Variants in ORC4 observed in about 807,000 individuals in gnomAD.
ORC4 encodes the protein origin recognition complex, subunit 4 homolog.
In ORC4, 55 loss-of-function variants were observed where a neutral mutation model predicts 63.9. That is an observed-to-expected ratio of 0.86 (90% CI 0.69 to 1.08). The LOEUF (loss-of-function observed/expected upper bound fraction) is 1.08, where lower values mean the gene tolerates loss of function less well. ORC4 is among the 50% of genes least tolerant of loss of function. The pLI is 0.00. For missense variants in ORC4, 511 were observed against 504.4 expected, an observed-to-expected ratio of 1.01 and a Z score of -0.13; for synonymous variants, 150 against 168.5, an observed-to-expected ratio of 0.89 and a Z score of 0.85.
chr2:148,000,675 C>T (rs924297323), intron 1 of ORC4, among the ~76,000 whole-genome samples: 1 of 152,064 alleles, frequency 6.6e-6, no homozygotes, highest in Non-Finnish European at 1.5e-5. Context: ...GCTAAAACTG[C>T]AGCACATAAG....
intron 1 of ORC4, among the ~76,000 whole-genome samples, chr2:148,013,664 T>C (rs1490711493): frequency 6.6e-6 from 1 of 152,174 alleles, no homozygotes; most frequent in Non-Finnish European, 1.5e-5. Context: ...CATTGTATGC[T>C]TATATCAAAT....
rs532666072 is a variant in ORC4, at chr2:148,008,246, T to C, written c.-18+12387A>G. On this transcript the variant is annotated intron_variant, in intron 1 of 13. Coordinates refer to ENST00000392857, the MANE Select transcript of ORC4 (RefSeq NM_181741.4). ...TCACTGGTGAAAGTAAGTGCACAGA[T>C]AAATACAGAATACTCTAACCGCTCA... 9.8e-5 allele frequency among the ~76,000 whole-genome samples: 15 copies of C among 152,292 alleles called. No homozygotes were observed. In the East Asian group the frequency reaches 2.7e-3, roughly 27 times the overall value.
Position 147,948,093 on chromosome 2 carries a change from A to C in ORC4, c.720T>G (p.Phe240Leu). The C allele has an allele frequency of 6.2e-7, 1 of 1,612,202 alleles. No individual in the cohort carries two copies. Among genetic ancestry groups the C allele is most frequent in the Non-Finnish European group, 8.5e-7 (1 of 1,178,570 alleles). ...ACTTCTCAGCAAAAACCTTGTCTGG[A>C]AACTCTGCAGGTAGAGATAACTGTT... ...FKEQLSLPAE[F>L]PDKVFAEKWN... is the part of the protein sequence containing the mutation. The change falls in exon 9 of 14, where the codon TTT becomes TTG. Residue 240 changes from phenylalanine to leucine, a missense_variant. Physicochemically the swap from Phe to Leu is conservative, Grantham distance 22. Coordinates refer to ENST00000392857, the MANE Select transcript of ORC4 (RefSeq NM_181741.4).
At position 147,934,898 on chromosome 2, in the gene ORC4, T is replaced by C. The variant is rs562719647; in HGVS notation, c.*612A>G. ...CTATGGTAGGCTCAACAATCTGTAATTTTAGAAAATCCTACAAGGGATTCT... is the reference window on the plus strand; with the variant it reads ...CTATGGTAGGCTCAACAATCTGTAACTTTAGAAAATCCTACAAGGGATTCT... On this transcript the variant is annotated 3_prime_UTR_variant, in exon 14 of 14. Coordinates refer to ENST00000392857, the MANE Select transcript of ORC4 (RefSeq NM_181741.4). 6.6e-6 allele frequency: 1 copy of C among 152,398 alleles called. No homozygotes were observed. Among genetic ancestry groups the C allele is most frequent in the African/African-American group, 2.4e-5 (1 of 41,552 alleles). 9.4% of individuals were successfully genotyped at this position (152,398 alleles called of 1,614,324 possible).
intron 1 of ORC4, among the ~76,000 whole-genome samples, chr2:147,982,281 ATCC>A (rs1690933906): frequency 6.6e-6 from 1 of 152,216 alleles, no homozygotes; most frequent in Non-Finnish European, 1.5e-5. Flanking sequence ...CTAATAAAAT[ATCC>A]TCAACTCTGG....
chr2:147,969,058 A>C (rs966431934), intron 4 of ORC4, among the ~76,000 whole-genome samples: 2 of 152,176 alleles, frequency 1.3e-5, no homozygotes, highest in South Asian at 4.1e-4. Flanking sequence ...ATGCGTTTTC[A>C]CTCATCTATG....
intron 4 of ORC4, among the ~76,000 whole-genome samples, chr2:147,961,074 G>T (rs367579611): frequency 1.1e-4 from 16 of 151,900 alleles, no homozygotes; most frequent in African/African-American, 3.9e-4. Context: ...ATAATCTTAG[G>T]GTTAGGATTA....
At chr2:148,015,472 G>A (rs1485676491) in intron 1 of ORC4, among the ~76,000 whole-genome samples, 1 of 151,544 alleles carries the variant, frequency 6.6e-6, no homozygotes, top group South Asian at 2.1e-4. Flanking sequence ...CCGCCACCAC[G>A]CCTGGCTAAT....
At chr2:147,971,562 T>C (rs986024964) in intron 4 of ORC4, among the ~76,000 whole-genome samples, 1 of 151,856 alleles carries the variant, frequency 6.6e-6, no homozygotes, top group Admixed American at 6.6e-5. Flanking sequence ...GAGACACCAA[T>C]ATATACCTAT....
At chr2:147,968,446 A>G (rs1033579574) in intron 4 of ORC4, among the ~76,000 whole-genome samples, 3 of 152,048 alleles carry the variant, frequency 2.0e-5, no homozygotes, top group Non-Finnish European at 4.4e-5. Context: ...TCTCAAAAGC[A>G]AAAAACCAAT....
At chr2:148,015,714 A>AT (rs1693241763) in intron 1 of ORC4, among the ~76,000 whole-genome samples, 1 of 150,296 alleles carries the variant, frequency 6.7e-6, no homozygotes, top group Non-Finnish European at 1.5e-5. Flanking sequence ...TGCTGTTTAT[A>AT]TTTATTTTGG....
intron 1 of ORC4, among the ~76,000 whole-genome samples, chr2:147,984,672 G>C (rs978432686): frequency 2.0e-5 from 3 of 152,122 alleles, no homozygotes; most frequent in Non-Finnish European, 4.4e-5. Flanking sequence ...ATTGACAAAG[G>C]ACAAAAATTA....
At chr2:147,964,697 A>G (rs1472592997) in intron 4 of ORC4, among the ~76,000 whole-genome samples, 1 of 152,220 alleles carries the variant, frequency 6.6e-6, no homozygotes, top group Admixed American at 6.5e-5. Context: ...TAAAGTGTCA[A>G]GTCACTATAA....
intron 8 of ORC4, among the ~76,000 whole-genome samples, chr2:147,949,637 T>C (rs898548457): frequency 2.0e-5 from 3 of 152,144 alleles, no homozygotes; most frequent in Non-Finnish European, 2.9e-5. Flanking sequence ...AATATAACAA[T>C]TATATTAGGG....
intron 2 of ORC4, among the ~76,000 whole-genome samples, chr2:147,974,307 A>T (rs1271642338): frequency 1.3e-5 from 2 of 152,142 alleles, no homozygotes; most frequent in Non-Finnish European, 2.9e-5. Context: ...TAAAATAGGG[A>T]CAATAACATC....
chr2:148,011,182 A>T (rs1247267253), intron 1 of ORC4, among the ~76,000 whole-genome samples: 1 of 152,166 alleles, frequency 6.6e-6, no homozygotes, highest in Non-Finnish European at 1.5e-5. Flanking sequence ...AACAAAAAAG[A>T]AACTACAGGC....
chr2:147,989,639 G>C (rs146099044), intron 1 of ORC4, among the ~76,000 whole-genome samples: 1 of 152,000 alleles, frequency 6.6e-6, no homozygotes, highest in African/African-American at 2.4e-5. Flanking sequence ...CCCAGGAGGC[G>C]GAGGTTGCAG....
chr2:147,932,350 G>C lies in ORC4; in HGVS notation c.*3160C>G, dbSNP rs944048649. On this transcript the variant is annotated 3_prime_UTR_variant, in exon 14 of 14. Coordinates refer to ENST00000392857, the MANE Select transcript of ORC4 (RefSeq NM_181741.4). ...AACATTCCATGCTCTTGGGTAGGAAGAATCAATATTGTGAAAATGGCCATA... is the reference window on the plus strand; with the variant it reads ...AACATTCCATGCTCTTGGGTAGGAACAATCAATATTGTGAAAATGGCCATA... The C allele has an allele frequency of 2.0e-5, 3 of 152,126 alleles. No homozygotes were observed. The highest frequency in any genetic ancestry group is 7.2e-5 in the African/African-American group (3 of 41,414). 9.4% of individuals were successfully genotyped at this position (152,126 alleles called of 1,614,324 possible). A position where few individuals can be genotyped will look rare whatever the true frequency, so the allele number is the denominator to read the frequency against.
intron 6 of ORC4, 71 bp downstream of exon 6, chr2:147,958,227 A>C (rs1689372628): frequency 3.1e-6 from 3 of 966,396 alleles, no homozygotes; most frequent in Non-Finnish European, 4.8e-6. Context: ...TTCCAGAAAT[A>C]TAAAAATATA....
Sources: gnomAD v4.1 joint callset for allele counts (sites outside exome capture counted in the v4.1 genomes callset) on GRCh38, gnomAD v4.1.1 for gene constraint, MANE v1.5 for transcripts, NCBI Gene and HGNC (gene_info 2026-07-23, HGNC 2026-07-21) for gene names.